KLF7: variants seen among roughly 807,000 people sequenced by gnomAD.
KLF7 encodes Krueppel-like factor 7.
Under a neutral mutation model 27.3 loss-of-function variants are expected in KLF7, and 2 were observed. The observed-to-expected ratio is 0.07, with a 90% CI of 0.03 to 0.23. The LOEUF (loss-of-function observed/expected upper bound fraction) is 0.23, where lower values mean the gene tolerates loss of function less well. Among genes scored for constraint, KLF7 ranks in the 10% least tolerant of loss-of-function variants. The probability of loss-of-function intolerance (pLI) is 1.00; values close to 1 mark genes in which losing one functional copy is unlikely to be tolerated. For synonymous variants in KLF7, 165 were observed against 162.4 expected (o/e 1.02, Z -0.12); for missense variants, 221 against 394.1 (o/e 0.56, Z 3.72).
intron 1 of KLF7, among the ~76,000 whole-genome samples, chr2:207,137,181 CT>C (rs1223973259): frequency 2.6e-5 from 4 of 152,120 alleles, no homozygotes; most frequent in African/African-American, 9.7e-5. Context: ...TTTCTGTCAC[CT>C]AACAGGATGT....
chr2:207,110,585 A>G (rs1022422263), intron 2 of KLF7, among the ~76,000 whole-genome samples: 1 of 152,104 alleles, frequency 6.6e-6, no homozygotes, highest in South Asian at 2.1e-4. Context: ...CAAAATCTCA[A>G]ATTATTACAG....
intron 1 of KLF7, among the ~76,000 whole-genome samples, chr2:207,125,695 C>T (rs1255914211): frequency 6.6e-6 from 1 of 152,148 alleles, no homozygotes; most frequent in Non-Finnish European, 1.5e-5. Flanking sequence ...AACTATGAAT[C>T]AGCTTTGGGT....
chr2:207,164,855 G>C (rs2078656975), intron 1 of KLF7, among the ~76,000 whole-genome samples: 1 of 152,166 alleles, frequency 6.6e-6, no homozygotes, highest in African/African-American at 2.4e-5. Flanking sequence ...GTCAGCCTCA[G>C]CTACATCTTC....
chr2:207,152,072 C>T (rs2078261404), intron 1 of KLF7, among the ~76,000 whole-genome samples: 1 of 152,160 alleles, frequency 6.6e-6, no homozygotes. Flanking sequence ...AGGAAGAAAA[C>T]ACATTACTTG....
chr2:207,123,471 C>T (rs557378378), intron 2 of KLF7, among the ~76,000 whole-genome samples: 2 of 152,316 alleles, frequency 1.3e-5, no homozygotes, highest in African/African-American at 4.8e-5. Flanking sequence ...GTCAGGAAAG[C>T]GACAAGTGTC....
intron 2 of KLF7, among the ~76,000 whole-genome samples, chr2:207,089,882 A>G (rs1300253498): frequency 1.3e-5 from 2 of 152,220 alleles, no homozygotes; most frequent in Admixed American, 6.5e-5. Flanking sequence ...CTAGGTGCCA[A>G]AGTACTATGG....
chr2:207,091,650 A>G (rs916607730), intron 2 of KLF7, among the ~76,000 whole-genome samples: 4 of 152,264 alleles, frequency 2.6e-5, no homozygotes, highest in Admixed American at 6.5e-5. Context: ...AAATCAGAGA[A>G]GCAGAAAAAA....
intron 2 of KLF7, among the ~76,000 whole-genome samples, chr2:207,095,706 G>A (rs2076613681): frequency 6.6e-6 from 1 of 152,100 alleles, no homozygotes; most frequent in African/African-American, 2.4e-5. Context: ...TATTTTGGTA[G>A]AACTGCATTT....
At chr2:207,154,509 T>C (rs1176012542) in intron 1 of KLF7, among the ~76,000 whole-genome samples, 1 of 152,174 alleles carries the variant, frequency 6.6e-6, no homozygotes, top group African/African-American at 2.4e-5. Flanking sequence ...AAGTTTCCCT[T>C]GTGGATGGAT....
intron 2 of KLF7, among the ~76,000 whole-genome samples, chr2:207,120,346 A>G (rs2077303467): frequency 6.6e-6 from 1 of 152,200 alleles, no homozygotes; most frequent in Admixed American, 6.5e-5. Flanking sequence ...AAATTCTTCA[A>G]TGCAAGCAAA....
intron 2 of KLF7, among the ~76,000 whole-genome samples, chr2:207,091,813 A>G (rs2076519253): frequency 6.6e-6 from 1 of 152,170 alleles, no homozygotes; most frequent in Non-Finnish European, 1.5e-5. Context: ...TATTTTCAGC[A>G]TGGCCAAGAC....
intron 3 of KLF7, among the ~76,000 whole-genome samples, chr2:207,085,353 T>C (rs2076364397): frequency 6.6e-6 from 1 of 151,966 alleles, no homozygotes; most frequent in Admixed American, 6.6e-5. Flanking sequence ...ACTATGCTAG[T>C]AGCTGTCTCC....
upstream of KLF7, chr2:207,166,045 C>G (rs2078699306): frequency 4.9e-6 from 2 of 405,854 alleles, no homozygotes; most frequent in Admixed American, 7.7e-5. Flanking sequence ...CTCCCCACCC[C>G]CCACCCCATC....
chr2:207,084,178 C>T (rs149000340), intron 3 of KLF7, among the ~76,000 whole-genome samples: 1,756 of 152,246 alleles, frequency 0.012, 21 homozygotes, highest in Middle Eastern at 0.031. Flanking sequence ...ACAACGCAGA[C>T]ACCCAGAAGC....
intron 1 of KLF7, among the ~76,000 whole-genome samples, chr2:207,146,254 T>C (rs1389930785): frequency 6.6e-6 from 1 of 152,212 alleles, no homozygotes; most frequent in East Asian, 1.9e-4. Flanking sequence ...CTACCATGTA[T>C]ATTCCCCACA....
At chr2:207,142,534 C>T (rs762464885) in intron 1 of KLF7, among the ~76,000 whole-genome samples, 5 of 152,104 alleles carry the variant, frequency 3.3e-5, no homozygotes, top group Non-Finnish European at 7.4e-5. Context: ...ACAGCACATG[C>T]GACTAAGCAC....
intron 2 of KLF7, chr2:207,110,177 C>A (rs1354245994): frequency 6.5e-6 from 1 of 154,778 alleles, no homozygotes; most frequent in Non-Finnish European, 1.5e-5. Context: ...TTAGATAAGG[C>A]AATTTAAATC....
chr2:207,121,333 C>CA (rs1277629911), intron 2 of KLF7, among the ~76,000 whole-genome samples: 8 of 152,308 alleles, frequency 5.3e-5, no homozygotes, highest in East Asian at 3.9e-4. Flanking sequence ...ATCACTCAGT[C>CA]ATCACTAATA....
At chr2:207,104,814 A>G (rs1352936203) in intron 2 of KLF7, among the ~76,000 whole-genome samples, 1 of 152,274 alleles carries the variant, frequency 6.6e-6, no homozygotes, top group Non-Finnish European at 1.5e-5. Context: ...CCCTTTGGAA[A>G]TATTTTCTGA....
Sources: allele counts gnomAD v4.1 joint callset (sites outside exome capture counted in the v4.1 genomes callset), GRCh38; gene constraint gnomAD v4.1.1; transcripts MANE v1.5; gene names NCBI Gene and HGNC (gene_info 2026-07-23, HGNC 2026-07-21).